TMCO4: variants seen among roughly 807,000 people sequenced by gnomAD.
TMCO4 encodes the protein transmembrane and coiled-coil domains 4, also known as transmembrane and coiled-coil domain-containing protein 4.
A neutral mutation model predicts 64.7 loss-of-function variants in TMCO4; 58 were observed. The observed-to-expected ratio is 0.90, with a 90% CI of 0.73 to 1.12. The LOEUF (loss-of-function observed/expected upper bound fraction) is 1.12. Ranked by LOEUF, TMCO4 falls within the 50% of genes most tolerant of loss-of-function variation. TMCO4 has a pLI of 0.00. For missense variants in TMCO4, 780 were observed against 825.9 expected (o/e 0.94, Z 0.68); for synonymous variants, 325 against 346.1 (o/e 0.94, Z 0.68).
intron 13 of TMCO4, among the ~76,000 whole-genome samples, chr1:19,718,296 C>G (rs984701439): frequency 2.6e-5 from 4 of 151,912 alleles, no homozygotes; most frequent in Non-Finnish European, 4.4e-5. Context: ...GATCACACCA[C>G]TGCACTCCAG....
intron 14 of TMCO4, among the ~76,000 whole-genome samples, 179 bp from the exon 15 acceptor site, chr1:19,694,730 G>A (rs566894965): frequency 2.8e-3 from 428 of 152,362 alleles, no homozygotes; most frequent in African/African-American, 9.9e-3. Flanking sequence ...TGCTTTTGGA[G>A]CCTGGCCTGG....
intron 13 of TMCO4, among the ~76,000 whole-genome samples, chr1:19,721,271 C>T (rs897881368): frequency 2.7e-5 from 4 of 148,770 alleles, no homozygotes; most frequent in South Asian, 2.1e-4. Context: ...GGAAAAGATA[C>T]GCTCCTGCAG....
chr1:19,789,007 G>A (rs1178771430), intron 2 of TMCO4, among the ~76,000 whole-genome samples: 3 of 149,700 alleles, frequency 2.0e-5, no homozygotes, highest in Non-Finnish European at 3.0e-5. Context: ...CCCGGGAGGC[G>A]GAGCTTGCAG....
intron 4 of TMCO4, among the ~76,000 whole-genome samples, chr1:19,774,583 C>G (rs1323521119): frequency 1.3e-5 from 2 of 152,104 alleles, no homozygotes; most frequent in African/African-American, 4.8e-5. Flanking sequence ...AGTGCCAGCA[C>G]AGCAATTTAC....
rs965540536 is a variant in TMCO4, at chr1:19,723,368, C to T, written c.1264+14004G>A. Among the ~76,000 whole-genome samples the T allele has an allele frequency of 1.1e-4, 16 of 152,266 alleles. No individual in the cohort carries two copies. In the East Asian group the frequency reaches 1.7e-3, roughly 17 times the overall value. On this transcript the variant is annotated intron_variant, in intron 13 of 15. Coordinates refer to ENST00000294543, the MANE Select transcript of TMCO4 (RefSeq NM_181719.7). ...TTGTCTTCCTGCCTCCTTTCTCCTT[C>T]GATGCCACTGGCCAGGACCCCATAG...
At chr1:19,783,326 T>G (rs904195340) in intron 3 of TMCO4, among the ~76,000 whole-genome samples, 1 of 152,224 alleles carries the variant, frequency 6.6e-6, no homozygotes, top group Admixed American at 6.5e-5. Flanking sequence ...ACAGAACTGT[T>G]GGCCACCAAC....
chr1:19,736,955 G>A (rs1002027168), intron 13 of TMCO4, among the ~76,000 whole-genome samples: 1 of 152,206 alleles, frequency 6.6e-6, no homozygotes, highest in Non-Finnish European at 1.5e-5. Context: ...GGCAGAGACT[G>A]GAATGACATG....
chr1:19,732,345 A>C lies in TMCO4; in HGVS notation c.1264+5027T>G, dbSNP rs900071074. Among the ~76,000 whole-genome samples the C allele has an allele frequency of 2.0e-5, 3 of 151,596 alleles. No homozygotes were observed. The highest frequency in any genetic ancestry group is 4.8e-5 in the African/African-American group (2 of 41,266). On this transcript the variant is annotated intron_variant, in intron 13 of 15. Transcript: ENST00000294543. This position sits in a 1 kb window ranked among gnomAD's most constrained non-coding sequence, Gnocchi z 4.8. The stretch of plus-strand genomic sequence containing the variant: ...TGCCACCATGCCTGGCTAATTTTAA[A>C]ATTTTTTGTAGAGGCAAATTATGTT...
intron 13 of TMCO4, among the ~76,000 whole-genome samples, chr1:19,715,847 C>T (rs1226899193): frequency 6.6e-6 from 1 of 152,212 alleles, no homozygotes; most frequent in Non-Finnish European, 1.5e-5. Flanking sequence ...ACCCCAAGAG[C>T]TTCCTACAAT....
intron 13 of TMCO4, among the ~76,000 whole-genome samples, chr1:19,736,509 G>A (rs79950902): frequency 0.019 from 2,899 of 152,154 alleles, 56 homozygotes; most frequent in East Asian, 0.056. Context: ...GAGTCCTGCC[G>A]CTGCTACCTT....
chr1:19,736,775 A>G (rs1457048757), intron 13 of TMCO4, among the ~76,000 whole-genome samples: 1 of 152,218 alleles, frequency 6.6e-6, no homozygotes, highest in African/African-American at 2.4e-5. Context: ...GTGTGGTTGA[A>G]TGGTGAACCC....
chr1:19,790,035 A>G (rs1052855319), intron 2 of TMCO4, among the ~76,000 whole-genome samples: 7 of 150,452 alleles, frequency 4.7e-5, no homozygotes, highest in African/African-American at 1.7e-4. Context: ...CCTGGGTGAC[A>G]ACAGAGTGAG....
intron 13 of TMCO4, among the ~76,000 whole-genome samples, chr1:19,709,843 C>T (rs2095322474): frequency 6.7e-6 from 1 of 149,462 alleles, no homozygotes; most frequent in Admixed American, 6.7e-5. Context: ...GGCTGGAGTG[C>T]AATGGCGTGG....
rs72965393 is a variant in TMCO4, at chr1:19,726,408, G to A, written c.1264+10964C>T. ...AAACCTGGGAGGTGGAGGTTGCAGTGAGCCGAGGTCGTGCCACCGCACTCC... is the reference window on the plus strand; with the variant it reads ...AAACCTGGGAGGTGGAGGTTGCAGTAAGCCGAGGTCGTGCCACCGCACTCC... On this transcript the variant is annotated intron_variant, in intron 13 of 15. Transcript: ENST00000294543. Among the ~76,000 whole-genome samples, 1,130 of 151,852 alleles carry A rather than the reference G, an allele frequency of 7.4e-3. 13 individuals carry two copies. Among genetic ancestry groups the A allele is most frequent in the African/African-American group, 0.026 (1,077 of 41,366 alleles).
chr1:19,751,157 G>GA (rs2042005904), intron 7 of TMCO4, among the ~76,000 whole-genome samples: 1 of 152,212 alleles, frequency 6.6e-6, no homozygotes, highest in Admixed American at 6.5e-5. Context: ...TTGGAAACTG[G>GA]AGGGTACTCA....
rs1316550875 is a variant in TMCO4 at position 19,732,581 on chromosome 1, C to CAGG, written c.1264+4788_1264+4790dup. On this transcript the variant is annotated intron_variant, in intron 13 of 15. Coordinates refer to ENST00000294543, the MANE Select transcript of TMCO4 (RefSeq NM_181719.7). The surrounding 1 kb of genome is among the most constrained non-coding windows in gnomAD (Gnocchi z 4.8). ...GTTATGAAATAAGGAGGGAAACTAT[C>CAGG]AGGCTGATTAATAACAAAGACAGTG... Among the ~76,000 whole-genome samples, 1 of 152,114 alleles carries CAGG rather than the reference C, an allele frequency of 6.6e-6. No individual in the cohort carries two copies. Among genetic ancestry groups the CAGG allele is most frequent in the East Asian group, 1.9e-4 (1 of 5,176 alleles).
chr1:19,769,130 C>T (rs940843770), intron 6 of TMCO4, among the ~76,000 whole-genome samples: 4 of 152,086 alleles, frequency 2.6e-5, no homozygotes, highest in Admixed American at 2.6e-4. Flanking sequence ...CTACCACCTG[C>T]CCTGAAAGGG....
chr1:19,751,295 T>C (rs182434225), intron 7 of TMCO4, among the ~76,000 whole-genome samples: 58 of 152,302 alleles, frequency 3.8e-4, no homozygotes, highest in African/African-American at 1.4e-3. Flanking sequence ...GATGGACATG[T>C]TGGCTAAATA....
chr1:19,718,196 A>G (rs1173931123), intron 13 of TMCO4, among the ~76,000 whole-genome samples: 1 of 152,030 alleles, frequency 6.6e-6, no homozygotes, highest in Non-Finnish European at 1.5e-5. Context: ...TTAACTGGGC[A>G]TGGTGGTGGG....
Sources: gnomAD v4.1 joint callset for allele counts (sites outside exome capture counted in the v4.1 genomes callset) on GRCh38, gnomAD v4.1.1 for gene constraint, Gnocchi (gnomAD v3.1) non-coding constraint, MANE v1.5 for transcripts, NCBI Gene and HGNC (gene_info 2026-07-23, HGNC 2026-07-21) for gene names.